The following C9 variants were observed in gnomAD, a reference collection of about 807,000 sequenced individuals.
The protein encoded by C9 is complement C9.
A neutral mutation model predicts 65.4 loss-of-function variants in C9; 63 were observed. That is an observed-to-expected ratio of 0.96 (90% CI 0.79 to 1.19). The LOEUF (loss-of-function observed/expected upper bound fraction) is 1.19, where lower values mean the gene tolerates loss of function less well. Among genes scored for constraint, C9 ranks in the 50% most tolerant of loss-of-function variants. The pLI is 0.00. For missense variants in C9, 744 were observed against 670.1 expected, an observed-to-expected ratio of 1.11 and a Z score of -1.22; for synonymous variants, 229 against 227.9, an observed-to-expected ratio of 1.00 and a Z score of -0.04.
chr5:39,294,996 G>A (rs541259129), intron 9 of C9, among the ~76,000 whole-genome samples: 3 of 151,674 alleles, frequency 2.0e-5, no homozygotes, highest in East Asian at 3.9e-4. Flanking sequence ...AAAAACCATT[G>A]GATAAAATTT....
At chr5:39,286,490 A>G (rs1752993402) in intron 10 of C9, among the ~76,000 whole-genome samples, 1 of 152,022 alleles carries the variant, frequency 6.6e-6, no homozygotes. Flanking sequence ...AAAACTAGAC[A>G]AAAGAAAATT....
chr5:39,349,567 T>C (rs1754284250), intron 1 of C9, among the ~76,000 whole-genome samples: 1 of 152,222 alleles, frequency 6.6e-6, no homozygotes, highest in African/African-American at 2.4e-5. Flanking sequence ...TCTTTTCTTT[T>C]AGCCAAGTTT....
chr5:39,299,530 A>T (rs763760110), intron 9 of C9, among the ~76,000 whole-genome samples: 1 of 152,180 alleles, frequency 6.6e-6, no homozygotes, highest in Non-Finnish European at 1.5e-5. Flanking sequence ...AACTACTCAT[A>T]CATACAAGAA....
intron 1 of C9, among the ~76,000 whole-genome samples, chr5:39,361,815 A>G (rs950446995): frequency 3.0e-4 from 46 of 152,112 alleles, no homozygotes; most frequent in Non-Finnish European, 2.2e-4. Flanking sequence ...AAGAAAAAAG[A>G]AAAAAACAAT....
chr5:39,287,960 AC>A (rs1185025788), intron 10 of C9, among the ~76,000 whole-genome samples: 1 of 151,894 alleles, frequency 6.6e-6, no homozygotes, highest in Non-Finnish European at 1.5e-5. Context: ...CTTCACATGT[AC>A]CCTTTAAATT....
At chr5:39,339,744 G>A (rs1483314612) in intron 4 of C9, among the ~76,000 whole-genome samples, 4 of 137,996 alleles carry the variant, frequency 2.9e-5, no homozygotes, top group Non-Finnish European at 6.1e-5. Flanking sequence ...ACTGCAAGCT[G>A]TGCCTCCTGG....
intron 5 of C9, among the ~76,000 whole-genome samples, chr5:39,322,734 A>T (rs956474682): frequency 1.3e-5 from 2 of 152,104 alleles, no homozygotes; most frequent in Non-Finnish European, 2.9e-5. Context: ...TGGGCCTGCA[A>T]TGGTTGCATT....
At chr5:39,310,064 A>G (rs920740555) in intron 7 of C9, among the ~76,000 whole-genome samples, 3 of 152,114 alleles carry the variant, frequency 2.0e-5, no homozygotes, top group Non-Finnish European at 4.4e-5. Context: ...GCTAAGTAAC[A>G]TTACATTCCA....
At chr5:39,329,759 A>G (rs1753810947) in intron 5 of C9, among the ~76,000 whole-genome samples, 1 of 152,204 alleles carries the variant, frequency 6.6e-6, no homozygotes, top group Admixed American at 6.5e-5. Flanking sequence ...AGCTATAAAG[A>G]AGTATAATAT....
intron 5 of C9, among the ~76,000 whole-genome samples, chr5:39,318,995 A>G (rs909855142): frequency 2.6e-5 from 4 of 152,142 alleles, no homozygotes; most frequent in African/African-American, 7.2e-5. Context: ...TGTTCTTACC[A>G]TAAGTCCCTT....
intron 6 of C9, among the ~76,000 whole-genome samples, chr5:39,315,125 A>C (rs1420168834): frequency 6.6e-6 from 1 of 152,212 alleles, no homozygotes; most frequent in Non-Finnish European, 1.5e-5. Context: ...ATAAGTACTA[A>C]GAGTGAATTA....
intron 9 of C9, among the ~76,000 whole-genome samples, chr5:39,299,387 C>T (rs1030104138): frequency 2.3e-4 from 35 of 152,022 alleles, no homozygotes; most frequent in African/African-American, 7.2e-4. Context: ...TGGCTTTATT[C>T]ATAATCACCA....
In C9 at chr5:39,315,951, T is replaced by G; in HGVS notation, c.694A>C (p.Thr232Pro). ...GATATAGCTGCATTAAAATTTGATG[T>G]CTTCTCTTGGATGATACTTTTAAAT... ...EAFKSIIQEK[T>P]SNFNAAISLK... The change falls in exon 6 of 11, where the codon ACA (threonine) becomes CCA (proline). Residue 232 changes from threonine to proline, a missense_variant. Transcript: ENST00000263408. The G allele has an allele frequency of 3.7e-6, 6 of 1,609,698 alleles. No individual in the cohort carries two copies. Among genetic ancestry groups the G allele is most frequent in the Non-Finnish European group, 5.1e-6 (6 of 1,176,306 alleles).
chr5:39,339,836 T>A (rs1202829161), intron 4 of C9, among the ~76,000 whole-genome samples: 1 of 151,900 alleles, frequency 6.6e-6, no homozygotes, highest in African/African-American at 2.4e-5. Context: ...ATTTTTTGTA[T>A]TTTTAGTAGA....
chr5:39,298,459 C>G (rs1024470336), intron 9 of C9, among the ~76,000 whole-genome samples: 1 of 151,486 alleles, frequency 6.6e-6, no homozygotes, highest in Admixed American at 6.6e-5. Flanking sequence ...ATTAACAATA[C>G]CAGGAATCCA....
chr5:39,291,543 C>A (rs1198373707), intron 9 of C9, among the ~76,000 whole-genome samples: 2 of 151,412 alleles, frequency 1.3e-5, no homozygotes, highest in Non-Finnish European at 3.0e-5. Context: ...ATATTCCAGA[C>A]CTGGTGAAAA....
At chr5:39,353,716 T>TCAAAA (rs1010298092) in intron 1 of C9, among the ~76,000 whole-genome samples, 3 of 152,170 alleles carry the variant, frequency 2.0e-5, no homozygotes, top group African/African-American at 4.8e-5. Flanking sequence ...ATAATGGTGT[T>TCAAAA]CAAAACAAAA....
intron 4 of C9, 154 bp downstream of exon 4, chr5:39,340,992 C>T (rs1754066158): frequency 1.2e-6 from 1 of 866,806 alleles, no homozygotes; most frequent in Admixed American, 2.0e-5. Flanking sequence ...TTAGCACTTC[C>T]TTTAAGCTTA....
At chr5:39,346,899 A>G (rs1373345635) in intron 1 of C9, among the ~76,000 whole-genome samples, 2 of 152,246 alleles carry the variant, frequency 1.3e-5, no homozygotes, top group Non-Finnish European at 2.9e-5. Flanking sequence ...TCCAGCATAT[A>G]AACAGAAACA....
Sources: allele counts gnomAD v4.1 joint callset (sites outside exome capture counted in the v4.1 genomes callset), GRCh38; gene constraint gnomAD v4.1.1; transcripts MANE v1.5; gene names NCBI Gene and HGNC (gene_info 2026-07-23, HGNC 2026-07-21).